Variants in GABBR2 observed in about 807,000 individuals in gnomAD.
GABBR2 encodes G-protein coupled receptor 51.
GABBR2 carries 23 observed loss-of-function variants against 105.6 expected under a neutral mutation model. That is an observed-to-expected ratio of 0.22 (90% CI 0.16 to 0.31). The LOEUF is 0.31. Ranked by LOEUF, GABBR2 falls within the 10% of genes least tolerant of loss-of-function variation. GABBR2 has a pLI of 1.00. For missense variants in GABBR2, 734 were observed against 1,245.5 expected, an observed-to-expected ratio of 0.59 and a Z score of 6.18; for synonymous variants, 478 against 499.7, an observed-to-expected ratio of 0.96 and a Z score of 0.58.
chr9:98,605,086 G>A (rs1457647758), intron 1 of GABBR2, among the ~76,000 whole-genome samples: 2 of 152,216 alleles, frequency 1.3e-5, no homozygotes, highest in Admixed American at 6.5e-5. Flanking sequence ...TACGTACATG[G>A]CAAGGCCAAA....
chr9:98,340,052 G>T (rs182124597), intron 13 of GABBR2, among the ~76,000 whole-genome samples: 1 of 151,716 alleles, frequency 6.6e-6, no homozygotes, highest in East Asian at 1.9e-4. Flanking sequence ...ACACTTTGCC[G>T]CACACTCTTT....
At chr9:98,666,694 G>A (rs1393072057) in intron 1 of GABBR2, among the ~76,000 whole-genome samples, 1 of 152,150 alleles carries the variant, frequency 6.6e-6, no homozygotes, top group Non-Finnish European at 1.5e-5. Context: ...AATTTAAGTA[G>A]TTACTCATGG....
At chr9:98,374,488 C>T (rs569397195) in intron 11 of GABBR2, among the ~76,000 whole-genome samples, 1 of 152,324 alleles carries the variant, frequency 6.6e-6, no homozygotes, top group East Asian at 1.9e-4. Flanking sequence ...CCACCATCCC[C>T]TCAATGATAA....
intron 1 of GABBR2, among the ~76,000 whole-genome samples, chr9:98,664,376 A>T (rs993740501): frequency 6.6e-6 from 1 of 152,214 alleles, no homozygotes; most frequent in Admixed American, 6.5e-5. Context: ...CTGCAAAGTC[A>T]TCCAAGTAGC....
At chr9:98,518,350 G>T (rs1827800696) in intron 3 of GABBR2, among the ~76,000 whole-genome samples, 1 of 114,402 alleles carries the variant, frequency 8.7e-6, no homozygotes. Flanking sequence ...AATTATCAAA[G>T]TATAATTTTT....
At chr9:98,436,397 ATATATATATAGT>A (rs1314316699) in intron 7 of GABBR2, among the ~76,000 whole-genome samples, 6 of 48,424 alleles carry the variant, frequency 1.2e-4, no homozygotes, top group African/African-American at 4.2e-4. Context: ...ATATATATAT[ATATATATATAGT>A]ATGGCGTTCT....
At chr9:98,580,175 C>T (rs1828982110) in intron 1 of GABBR2, among the ~76,000 whole-genome samples, 1 of 152,158 alleles carries the variant, frequency 6.6e-6, no homozygotes, top group African/African-American at 2.4e-5. Flanking sequence ...TTCCTTCCCA[C>T]CTCTGGGCCT....
chr9:98,606,503 T>C (rs940829571), intron 1 of GABBR2, among the ~76,000 whole-genome samples: 1 of 134,798 alleles, frequency 7.4e-6, no homozygotes, highest in African/African-American at 2.8e-5. Context: ...TTTTTTGAGA[T>C]GGAGTCTCAC....
chr9:98,617,456 C>T (rs2131818736), intron 1 of GABBR2, among the ~76,000 whole-genome samples: 1 of 152,286 alleles, frequency 6.6e-6, no homozygotes, highest in South Asian at 2.1e-4. Context: ...CCCCAAGTAC[C>T]TCTAAGGTTT....
intron 3 of GABBR2, among the ~76,000 whole-genome samples, chr9:98,516,539 C>A (rs1404831720): frequency 6.6e-6 from 1 of 152,230 alleles, no homozygotes; most frequent in Non-Finnish European, 1.5e-5. Context: ...TGCCCAAAGC[C>A]ATTTATTTAA....
chr9:98,508,769 G>A (rs1827570354), intron 3 of GABBR2, among the ~76,000 whole-genome samples: 1 of 38,822 alleles, frequency 2.6e-5, no homozygotes, highest in Non-Finnish European at 6.8e-5. Flanking sequence ...CAAAGCGGCA[G>A]GAAACTCCAA....
chr9:98,656,291 C>A (rs1370385491), intron 1 of GABBR2, among the ~76,000 whole-genome samples: 3 of 152,074 alleles, frequency 2.0e-5, no homozygotes, highest in Non-Finnish European at 2.9e-5. Context: ...CTCTGGCTTG[C>A]AGAAATGTGT....
intron 8 of GABBR2, among the ~76,000 whole-genome samples, chr9:98,405,556 C>T (rs1457295354): frequency 6.6e-6 from 1 of 152,154 alleles, no homozygotes; most frequent in Non-Finnish European, 1.5e-5. Flanking sequence ...CAGGGAAGCA[C>T]AGTTATCCCT....
At chr9:98,584,581 G>A (rs1053369685) in intron 1 of GABBR2, among the ~76,000 whole-genome samples, 42 of 152,138 alleles carry the variant, frequency 2.8e-4, no homozygotes, top group African/African-American at 9.9e-4. Context: ...ATTTTCAAAT[G>A]AAAAAGTGAG....
At chr9:98,675,558 G>A (rs906444547) in intron 1 of GABBR2, among the ~76,000 whole-genome samples, 1 of 152,178 alleles carries the variant, frequency 6.6e-6, no homozygotes, top group African/African-American at 2.4e-5. Flanking sequence ...AGCCACATTT[G>A]CAGCCTCAGA....
At chr9:98,585,433 T>C (rs1350145253) in intron 1 of GABBR2, among the ~76,000 whole-genome samples, 1 of 142,478 alleles carries the variant, frequency 7.0e-6, no homozygotes, top group Admixed American at 7.3e-5. Context: ...TAGGTGGGAA[T>C]TGAACAATGA....
intron 13 of GABBR2, among the ~76,000 whole-genome samples, chr9:98,332,509 A>C (rs1831045773): frequency 6.6e-6 from 1 of 152,166 alleles, no homozygotes; most frequent in Non-Finnish European, 1.5e-5. Flanking sequence ...AGAGAGGTTA[A>C]GTCACTCACC....
intron 1 of GABBR2, among the ~76,000 whole-genome samples, chr9:98,639,505 C>T (rs7026218): frequency 0.091 from 13,895 of 151,870 alleles, 982 homozygotes; most frequent in African/African-American, 0.2. Flanking sequence ...CACCTTGCAG[C>T]GACACACTTT....
chr9:98,694,583 C>A (rs1263666675), intron 1 of GABBR2, among the ~76,000 whole-genome samples: 3 of 152,156 alleles, frequency 2.0e-5, no homozygotes, highest in Admixed American at 6.5e-5. Context: ...TGAATGACAT[C>A]GCTATGTCTT....
Sources: allele counts gnomAD v4.1 joint callset (sites outside exome capture counted in the v4.1 genomes callset), GRCh38; gene constraint gnomAD v4.1.1; transcripts MANE v1.5; gene names NCBI Gene and HGNC (gene_info 2026-07-23, HGNC 2026-07-21).